The following TCF12 variants were observed in gnomAD, a reference collection of about 807,000 sequenced individuals.
TCF12 encodes the protein transcription factor 12.
In TCF12, 45 loss-of-function variants were observed where a neutral mutation model predicts 86.0. The observed-to-expected ratio is 0.52, with a 90% confidence interval of 0.41 to 0.67. TCF12 has a LOEUF of 0.67. TCF12 is among the 30% of genes least tolerant of loss of function. The probability of loss-of-function intolerance (pLI) is 0.00; values close to 1 mark genes in which losing one functional copy is unlikely to be tolerated. For synonymous variants in TCF12, 330 were observed against 299.6 expected (o/e 1.10, Z -1.05); for missense variants, 881 against 859.9 (o/e 1.02, Z -0.31).
intron 5 of TCF12, among the ~76,000 whole-genome samples, chr15:57,166,034 C>T (rs2054867890): frequency 6.6e-6 from 1 of 150,564 alleles, no homozygotes; most frequent in East Asian, 2.0e-4. Flanking sequence ...CTCAAGTGAT[C>T]CTCCCACCTC....
At chr15:57,191,508 A>G (rs1290160072) in intron 6 of TCF12, among the ~76,000 whole-genome samples, 1 of 152,222 alleles carries the variant, frequency 6.6e-6, no homozygotes, top group Admixed American at 6.5e-5. Context: ...CTGCTGCCGT[A>G]TGTGTTCATG....
chr15:57,182,790 C>T (rs1462053303), intron 6 of TCF12, among the ~76,000 whole-genome samples: 7 of 152,126 alleles, frequency 4.6e-5, no homozygotes. Context: ...AATTTGTTCT[C>T]CTTTTTTTCT....
chr15:56,920,967 GT>G, intron 2 of TCF12, 58 bp from the exon 3 acceptor site: 1 of 1,395,104 alleles, frequency 7.2e-7, no homozygotes, highest in Admixed American at 2.3e-5. Flanking sequence ...GTGGACTTTT[GT>G]TTGCAAGGAA....
At chr15:56,945,531 T>G (rs961740426) in intron 3 of TCF12, among the ~76,000 whole-genome samples, 1 of 152,134 alleles carries the variant, frequency 6.6e-6, no homozygotes, top group Non-Finnish European at 1.5e-5. Context: ...GAATTCTAGA[T>G]TGACCTTTTT....
chr15:57,166,321 A>C, intron 5 of TCF12, 81 bp from the exon 6 acceptor site: 1 of 1,136,902 alleles, frequency 8.8e-7, no homozygotes, highest in South Asian at 1.5e-5. Context: ...CTGCAATATA[A>C]TTACCATGAA....
chr15:57,095,768 C>G (rs911961790), intron 5 of TCF12, among the ~76,000 whole-genome samples: 4 of 152,074 alleles, frequency 2.6e-5, no homozygotes, highest in Admixed American at 6.6e-5. Context: ...CTGAAAATAC[C>G]TTTACCTTTC....
chr15:56,964,513 C>A (rs2061916180), intron 3 of TCF12, among the ~76,000 whole-genome samples: 1 of 152,144 alleles, frequency 6.6e-6, no homozygotes, highest in Non-Finnish European at 1.5e-5. Flanking sequence ...TATCTCCTGC[C>A]TGGCATGTCT....
At chr15:57,234,846 GA>G (rs1359343471) in intron 12 of TCF12, among the ~76,000 whole-genome samples, 1 of 152,136 alleles carries the variant, frequency 6.6e-6, no homozygotes, top group Non-Finnish European at 1.5e-5. Flanking sequence ...CACTTTAGAT[GA>G]TTTTTTTTCT....
At chr15:57,219,559 A>T in intron 8 of TCF12, 6 of 1,613,510 alleles carry the variant, frequency 3.7e-6, no homozygotes, top group Non-Finnish European at 5.1e-6. Flanking sequence ...ATGGGCAGCA[A>T]TTCTTTGATG....
intron 8 of TCF12, among the ~76,000 whole-genome samples, chr15:57,220,910 G>A (rs967298208): frequency 1.3e-5 from 2 of 151,928 alleles, no homozygotes; most frequent in African/African-American, 4.8e-5. Context: ...GGAGAGGGGA[G>A]CATTTTTAAT....
chr15:57,106,922 G>A (rs1196550253), intron 5 of TCF12, among the ~76,000 whole-genome samples: 2 of 152,232 alleles, frequency 1.3e-5, no homozygotes, highest in Non-Finnish European at 2.9e-5. Context: ...AACACCAAGT[G>A]CTGGTAACAA....
At chr15:57,275,500 G>GAACC (rs1373749574) in intron 19 of TCF12, among the ~76,000 whole-genome samples, 5 of 147,470 alleles carry the variant, frequency 3.4e-5, no homozygotes, top group Non-Finnish European at 6.0e-5. Flanking sequence ...ATAGGGTTTA[G>GAACC]AACCCTTCAT....
chr15:57,062,888 T>C (rs1221714872), intron 3 of TCF12, among the ~76,000 whole-genome samples: 1 of 152,204 alleles, frequency 6.6e-6, no homozygotes, highest in Non-Finnish European at 1.5e-5. Context: ...TAGAGAAGTG[T>C]ACCCTCCTTG....
intron 5 of TCF12, among the ~76,000 whole-genome samples, chr15:57,134,907 C>A (rs1210195169): frequency 6.7e-6 from 1 of 149,014 alleles, no homozygotes; most frequent in African/African-American, 2.5e-5. Context: ...TTTTGAATAG[C>A]TGTGCACCCC....
chr15:56,950,143 C>T (rs2061200411), intron 3 of TCF12, among the ~76,000 whole-genome samples: 1 of 152,206 alleles, frequency 6.6e-6, no homozygotes, highest in Non-Finnish European at 1.5e-5. Context: ...TCCTCCTTCA[C>T]ACTCCCATCC....
intron 4 of TCF12, among the ~76,000 whole-genome samples, chr15:57,077,241 G>A (rs1395013394): frequency 6.6e-6 from 1 of 151,756 alleles, no homozygotes; most frequent in African/African-American, 2.4e-5. Flanking sequence ...AGTTGGAGGG[G>A]GAACTTAACA....
chr15:57,175,789 G>A (rs1440342481), intron 6 of TCF12, among the ~76,000 whole-genome samples: 1 of 152,174 alleles, frequency 6.6e-6, no homozygotes, highest in Non-Finnish European at 1.5e-5. Context: ...TCTTTTAAGT[G>A]TTTGAAGCAT....
At chr15:57,122,773 T>G (rs2151298148) in intron 5 of TCF12, among the ~76,000 whole-genome samples, 1 of 152,302 alleles carries the variant, frequency 6.6e-6, no homozygotes, top group South Asian at 2.1e-4. Context: ...TTTAGAAAAA[T>G]GTGTATTCAC....
intron 8 of TCF12, among the ~76,000 whole-genome samples, chr15:57,218,708 T>C (rs1426848379): frequency 2.0e-5 from 3 of 152,228 alleles, no homozygotes; most frequent in Non-Finnish European, 4.4e-5. Context: ...ATTGGTGTTG[T>C]GTATGAAGAA....
Sources: gnomAD v4.1 joint callset for allele counts (sites outside exome capture counted in the v4.1 genomes callset) on GRCh38, gnomAD v4.1.1 for gene constraint, MANE v1.5 for transcripts, NCBI Gene and HGNC (gene_info 2026-07-23, HGNC 2026-07-21) for gene names.